Variants in IQSEC1 observed in about 807,000 individuals in gnomAD.
The protein encoded by IQSEC1 is IQ motif and SEC7 domain-containing protein 1.
In IQSEC1, 31 loss-of-function variants were observed where a neutral mutation model predicts 91.0. That is an observed-to-expected ratio of 0.34 (90% CI 0.26 to 0.46). IQSEC1 has a LOEUF of 0.46. Ranked by LOEUF, IQSEC1 falls within the 20% of genes least tolerant of loss-of-function variation. The pLI is 1.00. For synonymous variants in IQSEC1, 699 were observed against 662.6 expected, an observed-to-expected ratio of 1.05 and a Z score of -0.84; for missense variants, 1,388 against 1,575.6, an observed-to-expected ratio of 0.88 and a Z score of 2.02.
intron 1 of IQSEC1, among the ~76,000 whole-genome samples, chr3:13,258,259 G>A (rs1383448259): frequency 6.6e-6 from 1 of 152,200 alleles, no homozygotes; most frequent in Non-Finnish European, 1.5e-5. Flanking sequence ...AATAATGGAG[G>A]GAACAGGGAC....
chr3:12,904,164 G>A lies in IQSEC1; in HGVS notation c.2756-1342C>T, dbSNP rs562063333. Among the ~76,000 whole-genome samples the A allele has an allele frequency of 8.4e-4, 128 of 152,330 alleles. No individual in the cohort carries two copies. The Middle Eastern group carries it at 0.01, about 12-fold the overall frequency. The stretch of plus-strand genomic sequence containing the variant: ...AGTGCTGTGGGCTTCGAGCCTCCCC[G>A]TGCCATCTGAATGTGCTGGGCTGTG... On this transcript the variant is annotated intron_variant, in intron 12 of 13. Coordinates refer to ENST00000613206, the MANE Select transcript of IQSEC1 (RefSeq NM_001134382.3).
chr3:13,009,787 C>G (rs1307406484), intron 1 of IQSEC1, among the ~76,000 whole-genome samples: 4 of 151,098 alleles, frequency 2.6e-5, no homozygotes, highest in African/African-American at 9.8e-5. Context: ...CGGGCTTTAG[C>G]ACACCACAGC....
rs549778016 is a variant in IQSEC1, at chr3:13,240,138, G to A, written c.272+42573C>T. Among the ~76,000 whole-genome samples, 45 of 152,160 alleles carry A rather than the reference G, an allele frequency of 3.0e-4. 1 individual carries two copies. Among genetic ancestry groups the A allele is most frequent in the African/African-American group, 1.0e-3 (43 of 41,520 alleles). ...TCATGCCTATAATCCTAGCACTTTG[G>A]GAAGCTGAGGCGGGAGGATCACTTG... is the stretch of plus-strand genomic sequence containing the variant. On this transcript the variant is annotated intron_variant, in intron 1 of 15. Coordinates refer to the IQSEC1 transcript ENST00000648114.
intron 1 of IQSEC1, among the ~76,000 whole-genome samples, chr3:13,260,847 G>A (rs946036899): frequency 1.3e-5 from 2 of 152,224 alleles, no homozygotes; most frequent in Non-Finnish European, 2.9e-5. Context: ...GAAGGAAGAG[G>A]AGAGTGGAGG....
In IQSEC1 at chr3:13,191,637, C is replaced by T. The variant is rs528292449; in HGVS notation, c.273-27504G>A. Among the ~76,000 whole-genome samples the T allele has an allele frequency of 7.9e-5, 12 of 152,172 alleles. No homozygotes were observed. In the East Asian group the frequency reaches 2.3e-3, roughly 29 times the overall value. On this transcript the variant is annotated intron_variant, in intron 1 of 15. Transcript: ENST00000648114. ...CAGGCAATTACAGTTTGCATGTGGC[C>T]CAAAACTGGTTTTTTATCTTTTTAT... is the stretch of plus-strand genomic sequence containing the variant.
intron 1 of IQSEC1, among the ~76,000 whole-genome samples, chr3:13,250,229 C>A (rs1695170291): frequency 6.6e-6 from 1 of 152,160 alleles, no homozygotes; most frequent in South Asian, 2.1e-4. Flanking sequence ...TGCAGGGGAA[C>A]CTCCAGGTGC....
At chr3:13,102,204 G>A (rs1234866953) in intron 2 of IQSEC1, among the ~76,000 whole-genome samples, 1 of 152,112 alleles carries the variant, frequency 6.6e-6, no homozygotes, top group Non-Finnish European at 1.5e-5. Flanking sequence ...CTTGAGCCCA[G>A]GAGATCAATG....
In IQSEC1 at chr3:12,983,343, G is replaced by A. The variant is rs890838214; in HGVS notation, c.24-41478C>T. Among the ~76,000 whole-genome samples, 26 of 152,196 alleles carry A rather than the reference G, an allele frequency of 1.7e-4. No homozygotes were observed. The highest frequency in any genetic ancestry group is 5.6e-4 in the African/African-American group (23 of 41,440). On this transcript the variant is annotated intron_variant, in intron 1 of 13. Transcript: ENST00000613206. This position sits in a 1 kb window ranked among gnomAD's most constrained non-coding sequence, Gnocchi z 4.3. ...GTCCTCGGAGGGGATGAAAGGTGGC[G>A]TGGTGACAACTGCAGTCTGGGTGCT... is the stretch of plus-strand genomic sequence containing the variant.
chr3:13,009,823 T>C (rs1167149807), intron 1 of IQSEC1, among the ~76,000 whole-genome samples: 1 of 152,190 alleles, frequency 6.6e-6, no homozygotes, highest in Non-Finnish European at 1.5e-5. Context: ...CCCTCCTCTC[T>C]GCCAGTGTGG....
chr3:13,026,345 C>T (rs559458239), intron 1 of IQSEC1, among the ~76,000 whole-genome samples: 73 of 152,354 alleles, frequency 4.8e-4, no homozygotes, highest in Non-Finnish European at 8.7e-4. Context: ...AGCCCCATCA[C>T]GGGCCACACT....
At chr3:13,187,689 G>T (rs1693957985) in intron 1 of IQSEC1, among the ~76,000 whole-genome samples, 1 of 152,132 alleles carries the variant, frequency 6.6e-6, no homozygotes, top group Non-Finnish European at 1.5e-5. Flanking sequence ...GACTATCTTA[G>T]TCCATTCATG....
At chr3:12,999,049 T>A (rs1170344175) in intron 1 of IQSEC1, among the ~76,000 whole-genome samples, 4 of 152,222 alleles carry the variant, frequency 2.6e-5, no homozygotes, top group Non-Finnish European at 5.9e-5. Context: ...CATGCATGTA[T>A]TACTGTTTGT....
Position 12,908,257 on chromosome 3 carries a change from C to G in IQSEC1, c.2755+92G>C, listed in dbSNP as rs1695198603. 1.5e-6 allele frequency: 2 copies of G among 1,370,434 alleles called. No individual in the cohort carries two copies. The highest frequency in any genetic ancestry group is 2.4e-5 in the East Asian group (1 of 42,416). 84.9% of individuals were successfully genotyped at this position (1,370,434 alleles called of 1,614,324 possible). A position where few individuals can be genotyped will look rare whatever the true frequency, so the allele number is the denominator to read the frequency against. On this transcript the variant is annotated intron_variant, in intron 12 of 13. Transcript: ENST00000613206. The surrounding 1 kb of genome is among the most constrained non-coding windows in gnomAD (Gnocchi z 4.9). ...TGCCGCACTGGCTTCGCCGCAGGCC[C>G]TGCCCCGCGTGATGCATGCCCTGAA...
chr3:12,966,558 T>C (rs1015482916), intron 1 of IQSEC1, among the ~76,000 whole-genome samples: 1 of 151,830 alleles, frequency 6.6e-6, no homozygotes, highest in African/African-American at 2.4e-5. Context: ...TTTCTCCCTT[T>C]CTCTCCATAA....
intron 1 of IQSEC1, among the ~76,000 whole-genome samples, chr3:13,240,354 G>A (rs1198547589): frequency 1.3e-5 from 2 of 152,186 alleles, no homozygotes; most frequent in East Asian, 3.8e-4. Context: ...CTGGGTGACA[G>A]AGTGAGACCT....
chr3:13,277,509 G>A (rs1035795379), intron 1 of IQSEC1, among the ~76,000 whole-genome samples: 1 of 152,246 alleles, frequency 6.6e-6, no homozygotes, highest in Non-Finnish European at 1.5e-5. Flanking sequence ...ACAGCTGGGA[G>A]AGCTTCGGAG....
At chr3:13,274,824 G>A (rs2125150474) in intron 1 of IQSEC1, among the ~76,000 whole-genome samples, 1 of 152,356 alleles carries the variant, frequency 6.6e-6, no homozygotes, top group South Asian at 2.1e-4. Context: ...ACTGTCAGCT[G>A]CTTTGCAGAG....
intron 1 of IQSEC1, among the ~76,000 whole-genome samples, chr3:13,179,232 C>T (rs1693791913): frequency 6.6e-6 from 1 of 152,128 alleles, no homozygotes; most frequent in South Asian, 2.1e-4. Flanking sequence ...AGACCAAACC[C>T]CTGGTGTTTC....
rs1418572318 is a variant in IQSEC1, at chr3:12,935,914, T to G, written c.1102A>C (p.Ile368Leu). The G allele has an allele frequency of 6.9e-6, 11 of 1,601,166 alleles. No individual in the cohort carries two copies. Among genetic ancestry groups the G allele is most frequent in the Non-Finnish European group, 9.3e-6 (11 of 1,179,492 alleles). ...LRVEHLPLLT[I>L]EPPSDSSVDL... Reference sequence around the variant, plus strand: ...ACAGAGCTGTCGCTGGGTGGCTCGATGGTGAGCAGCGGCAGATGCTCCACC... The same window carrying G: ...ACAGAGCTGTCGCTGGGTGGCTCGAGGGTGAGCAGCGGCAGATGCTCCACC... Residue 368 changes from isoleucine (I) to leucine (L), a missense_variant, in exon 3 of 14, where the codon ATC (isoleucine) becomes CTC (leucine). By Grantham distance (5) the Ile-to-Leu change is conservative. Transcript: ENST00000613206. This position sits in a 1 kb window ranked among gnomAD's most constrained non-coding sequence, Gnocchi z 8.0.
Sources: gnomAD v4.1 joint callset for allele counts (sites outside exome capture counted in the v4.1 genomes callset) on GRCh38, gnomAD v4.1.1 for gene constraint, Gnocchi (gnomAD v3.1) non-coding constraint, MANE v1.5 for transcripts, NCBI Gene and HGNC (gene_info 2026-07-23, HGNC 2026-07-21) for gene names.